The following MYO5A variants were observed in gnomAD, a reference collection of about 807,000 sequenced individuals.
MYO5A encodes the protein unconventional myosin-Va.
In MYO5A, 98 loss-of-function variants were observed where a neutral mutation model predicts 249.7. That is an observed-to-expected ratio of 0.39 (90% CI 0.33 to 0.46). The LOEUF (loss-of-function observed/expected upper bound fraction) is 0.46, where lower values mean the gene tolerates loss of function less well. MYO5A is among the 20% of genes least tolerant of loss of function. The pLI is 0.98. For synonymous variants in MYO5A, 778 were observed against 810.6 expected (o/e 0.96, Z 0.68); for missense variants, 1,696 against 2,308.8 (o/e 0.73, Z 5.44).
chr15:52,386,353 A>G (rs1036698951), intron 14 of MYO5A, among the ~76,000 whole-genome samples: 1 of 152,158 alleles, frequency 6.6e-6, no homozygotes, highest in Admixed American at 6.6e-5. Context: ...GAATCAGATG[A>G]AAACCTGTGA....
intron 2 of MYO5A, among the ~76,000 whole-genome samples, chr15:52,432,242 G>T (rs894914603): frequency 6.6e-6 from 1 of 152,258 alleles, no homozygotes; most frequent in Non-Finnish European, 1.5e-5. Flanking sequence ...GATATTTGCT[G>T]CAGGCAAGAC....
rs4238391 is a variant in MYO5A, at chr15:52,380,087, T to C, written c.2013-179A>G. Among the ~76,000 whole-genome samples, 149,195 of 152,292 alleles carry C rather than the reference T, an allele frequency of 0.98. 73,157 individuals are homozygous for C. Among genetic ancestry groups the C allele is most frequent in the Middle Eastern group, 1 (294 of 294 alleles). ...AAACTATGAGAGAATGGGGAGGAGA[T>C]GATAAGCAGTAAAAATAAAGAGCTG... On this transcript the variant is annotated intron_variant, in intron 16 of 41. Coordinates refer to ENST00000399233, the MANE Select transcript of MYO5A (RefSeq NM_001382347.1).
intron 11 of MYO5A, among the ~76,000 whole-genome samples, chr15:52,392,504 C>G (rs562845413): frequency 1.3e-5 from 2 of 152,218 alleles, no homozygotes; most frequent in Non-Finnish European, 2.9e-5. Context: ...AAGTACTTCT[C>G]CTAAGGGACT....
chr15:52,368,011 C>T (rs1365768848), intron 22 of MYO5A, among the ~76,000 whole-genome samples: 1 of 152,064 alleles, frequency 6.6e-6, no homozygotes, highest in Non-Finnish European at 1.5e-5. Flanking sequence ...ATAATTTACT[C>T]AGCTCATCTT....
intron 25 of MYO5A, among the ~76,000 whole-genome samples, chr15:52,356,339 A>G (rs1368420472): frequency 1.3e-5 from 2 of 152,152 alleles, no homozygotes; most frequent in Non-Finnish European, 1.5e-5. Context: ...TCAAAGAAGA[A>G]AAACACAGCC....
intron 1 of MYO5A, chr15:52,435,802 T>C (rs1464542985): frequency 1.4e-5 from 5 of 352,298 alleles, no homozygotes; most frequent in Non-Finnish European, 2.8e-5. Context: ...GCTAAAGCCC[T>C]CACACTCAGC....
Position 52,370,289 on chromosome 15 carries a change from A to T in MYO5A, c.2946T>A (p.Thr982=). ...CTTCCTGCAGACTAAGGACCCGCCC[A>T]GTGGCAACTTTCGCTTCCTCTTCAC... is the stretch of plus-strand genomic sequence containing the variant. ...QLSEEEAKVA[T]GRVLSLQEEI... Residue 982 remains threonine, a synonymous_variant, in exon 22 of 42, where the codon ACT becomes ACA. Transcript: ENST00000399233. The T allele has an allele frequency of 1.9e-6, 3 of 1,614,128 alleles. No individual in the cohort carries two copies. The highest frequency in any genetic ancestry group is 2.5e-6 in the Non-Finnish European group (3 of 1,180,014).
chr15:52,317,069 G>A lies in MYO5A; in HGVS notation c.5388C>T (p.Cys1796=). 1 of 1,614,080 alleles carries A rather than the reference G, an allele frequency of 6.2e-7. No homozygotes were observed. Among genetic ancestry groups the A allele is most frequent in the Non-Finnish European group, 8.5e-7 (1 of 1,179,994 alleles). The part of the protein sequence containing the change: ...DDDAEAICSM[C]NALTTAQIVK... ...CTACCTGGGCAGTAGTTAAAGCATT[G>A]CACATAGAACAAATGGCTTCTGCAT... Residue 1796 remains cysteine (C), a synonymous_variant, in exon 40 of 42, where the codon TGC becomes TGT. Transcript: ENST00000399233.
At chr15:52,320,099 T>C (rs2038229371) in intron 38 of MYO5A, among the ~76,000 whole-genome samples, 1 of 152,080 alleles carries the variant, frequency 6.6e-6, no homozygotes, top group African/African-American at 2.4e-5. Flanking sequence ...AGCTGGGCCC[T>C]TCCTTATTCT....
chr15:52,362,285 C>A lies in MYO5A; in HGVS notation c.3310-2204G>T, dbSNP rs150900626. Among the ~76,000 whole-genome samples the A allele has an allele frequency of 4.4e-4, 67 of 152,288 alleles. 1 individual carries two copies. In the East Asian group the frequency reaches 7.1e-3, roughly 16 times the overall value. On this transcript the variant is annotated intron_variant, in intron 24 of 41. Transcript: ENST00000399233. ...TCCATTCATATGACGACTCTGTTTA[C>A]AACCAAATGCTTCATTAGCTCTGGA... is the stretch of plus-strand genomic sequence containing the variant.
At chr15:52,466,310 T>C (rs1217548900) in intron 1 of MYO5A, among the ~76,000 whole-genome samples, 2 of 151,988 alleles carry the variant, frequency 1.3e-5, no homozygotes, top group African/African-American at 4.8e-5. Context: ...CAGCCAGAAC[T>C]GAGAAATGAG....
chr15:52,501,837 C>T (rs910992330), intron 1 of MYO5A, among the ~76,000 whole-genome samples: 2 of 150,230 alleles, frequency 1.3e-5, no homozygotes, highest in Non-Finnish European at 3.0e-5. Flanking sequence ...ACTTCCATAA[C>T]ATAGGCATAC....
chr15:52,343,292 T>C, intron 30 of MYO5A, 95 bp from the exon 31 acceptor site: 1 of 1,030,330 alleles, frequency 9.7e-7, no homozygotes, highest in Non-Finnish European at 1.5e-6. Flanking sequence ...TATTTCAACA[T>C]TTTATAAGTT....
chr15:52,395,027 T>C (rs2042424614), intron 11 of MYO5A, among the ~76,000 whole-genome samples: 1 of 152,224 alleles, frequency 6.6e-6, no homozygotes, highest in South Asian at 2.1e-4. Context: ...TTTCAAAGTA[T>C]ATGGAATATT....
At chr15:52,356,811 TTTTTTTTA>T (rs1483280435) in intron 25 of MYO5A, among the ~76,000 whole-genome samples, 2 of 148,174 alleles carry the variant, frequency 1.3e-5, no homozygotes, top group African/African-American at 2.5e-5. Flanking sequence ...TTTTTTTTTT[TTTTTTTTA>T]TTTTCAGGAA....
At chr15:52,505,619 T>C (rs1359680944) in intron 1 of MYO5A, 2 of 1,370,138 alleles carry the variant, frequency 1.5e-6, no homozygotes, top group Non-Finnish European at 2.1e-6. Flanking sequence ...TCCATCTTAT[T>C]AGATGTGAAA....
At chr15:52,488,845 CACTT>C (rs1243062099) in intron 1 of MYO5A, among the ~76,000 whole-genome samples, 2 of 152,144 alleles carry the variant, frequency 1.3e-5, no homozygotes, top group Non-Finnish European at 2.9e-5. Flanking sequence ...GTATAAATGA[CACTT>C]AATAACAAAT....
intron 8 of MYO5A, among the ~76,000 whole-genome samples, chr15:52,406,128 A>T (rs1465070714): frequency 1.3e-5 from 2 of 152,202 alleles, no homozygotes; most frequent in Non-Finnish European, 2.9e-5. Flanking sequence ...TAAATAACAT[A>T]AGAATCTCCA....
intron 1 of MYO5A, among the ~76,000 whole-genome samples, chr15:52,496,817 C>G (rs901134942): frequency 3.9e-5 from 6 of 152,140 alleles, no homozygotes; most frequent in African/African-American, 1.4e-4. Context: ...CTCAGTCAAC[C>G]CCATGAGGTG....
Sources: gnomAD v4.1 joint callset for allele counts (sites outside exome capture counted in the v4.1 genomes callset) on GRCh38, gnomAD v4.1.1 for gene constraint, MANE v1.5 for transcripts, NCBI Gene and HGNC (gene_info 2026-07-23, HGNC 2026-07-21) for gene names.